The following MCM6 variants were observed in gnomAD, a reference collection of about 807,000 sequenced individuals.
MCM6 encodes the protein minichromosome maintenance complex component 6.
Under a neutral mutation model 94.3 loss-of-function variants are expected in MCM6, and 46 were observed. That is an observed-to-expected ratio of 0.49 (90% confidence interval 0.39 to 0.62). MCM6 has a LOEUF of 0.62. Among genes scored for constraint, MCM6 ranks in the 20% least tolerant of loss-of-function variants. The pLI is 0.00. For synonymous variants in MCM6, 335 were observed against 351.9 expected, an observed-to-expected ratio of 0.95 and a Z score of 0.54; for missense variants, 865 against 1,017.9, an observed-to-expected ratio of 0.85 and a Z score of 2.04.
chr2:135,867,126 ACTG>A lies in MCM6; in HGVS notation c.616-401_616-399del, dbSNP rs1349486677. ...CTTTTATACCCTCCACTTCAACACA[ACTG>A]CTAACATTATTTACAGATACATGTT... On this transcript the variant is annotated intron_variant, in intron 4 of 16. Coordinates refer to ENST00000264156, the MANE Select transcript of MCM6 (RefSeq NM_005915.6). Among the ~76,000 whole-genome samples the A allele has an allele frequency of 6.8e-4, 104 of 152,142 alleles. 3 individuals are homozygous for A. The highest frequency in any genetic ancestry group is 6.5e-3 in the Admixed American group (99 of 15,260).
chr2:135,853,700 C>T (rs992690609), intron 11 of MCM6, among the ~76,000 whole-genome samples: 3 of 148,136 alleles, frequency 2.0e-5, no homozygotes, highest in Non-Finnish European at 3.0e-5. Context: ...CTCTTAGCCA[C>T]TAAATTTTGA....
At chr2:135,864,950 T>G in intron 7 of MCM6, 63 bp downstream of exon 7, 1 of 1,233,302 alleles carries the variant, frequency 8.1e-7, no homozygotes, top group Non-Finnish European at 1.1e-6. Context: ...AGAAATCACC[T>G]GTGGCTGTTT....
At chr2:135,853,335 T>C (rs1474150199) in intron 11 of MCM6, among the ~76,000 whole-genome samples, 1 of 152,048 alleles carries the variant, frequency 6.6e-6, no homozygotes, top group Non-Finnish European at 1.5e-5. Flanking sequence ...TCCCAGCTAC[T>C]CAGGTGGCTG....
rs1405319908 is a variant in MCM6, at chr2:135,872,603, T to A, written c.254+94A>T. On this transcript the variant is annotated intron_variant, in intron 2 of 16. Transcript: ENST00000264156. ...TGGGAAATAACTGTGAAAGCTGACC[T>A]TCTGCTACACAAGTGAACACTTACA... 7.6e-6 allele frequency: 10 copies of A among 1,311,204 alleles called. No homozygotes were observed. In the Admixed American group the frequency reaches 1.1e-4, roughly 14 times the overall value. The allele number at this position is 1,311,204 out of a possible 1,614,324, so 81.2% of individuals were successfully genotyped here.
rs796148297 is a variant in MCM6 at position 135,849,203 on chromosome 2, TG to T, written c.1918-1016del. Among the ~76,000 whole-genome samples the T allele has an allele frequency of 1.4e-4, 22 of 152,294 alleles. No homozygotes were observed. In the East Asian group the frequency reaches 4.2e-3, roughly 29 times the overall value. On this transcript the variant is annotated intron_variant, in intron 13 of 16. Coordinates refer to ENST00000264156, the MANE Select transcript of MCM6 (RefSeq NM_005915.6). ...GTTAATTTCTCTGGCGAATGAAATG[TG>T]AGTATGTGTCATTTCTGGATAGAAG... is the stretch of plus-strand genomic sequence containing the variant.
intron 16 of MCM6, among the ~76,000 whole-genome samples, chr2:135,843,007 G>C (rs1679602756): frequency 6.6e-6 from 1 of 152,176 alleles, no homozygotes; most frequent in South Asian, 2.1e-4. Context: ...TACAAAAAAA[G>C]GACAATTTTA....
intron 7 of MCM6, among the ~76,000 whole-genome samples, chr2:135,863,943 T>C (rs927388726): frequency 2.8e-4 from 42 of 152,158 alleles, no homozygotes; most frequent in African/African-American, 1.0e-3. Flanking sequence ...AAACACCATC[T>C]CTACTAAAAA....
intron 2 of MCM6, among the ~76,000 whole-genome samples, chr2:135,871,726 T>A (rs1680206268): frequency 6.6e-6 from 1 of 152,226 alleles, no homozygotes; most frequent in African/African-American, 2.4e-5. Flanking sequence ...AGAAATTTTA[T>A]ATGAATTTGA....
chr2:135,855,647 G>A lies in MCM6; in HGVS notation c.1626+1081C>T, dbSNP rs188553368. 1.2e-4 allele frequency among the ~76,000 whole-genome samples: 18 copies of A among 152,208 alleles called. No homozygotes were observed. In the East Asian group the frequency reaches 3.1e-3, roughly 26 times the overall value. On this transcript the variant is annotated intron_variant, in intron 11 of 16. Coordinates refer to ENST00000264156, the MANE Select transcript of MCM6 (RefSeq NM_005915.6). ...TGGCACTGCCTGGGTGACAGAGTAAGACTTTGTCTTTAAAAAATAAATAAA... is the reference window on the plus strand; with the variant it reads ...TGGCACTGCCTGGGTGACAGAGTAAAACTTTGTCTTTAAAAAATAAATAAA...
rs972014216 is a variant in MCM6 at position 135,848,276 on chromosome 2, T to A, written c.1918-88A>T. 2.3e-5 allele frequency: 23 copies of A among 1,009,262 alleles called. No homozygotes were observed. The African/African-American group carries it at 3.7e-4, about 16-fold the overall frequency. The allele number at this position is 1,009,262 out of a possible 1,614,324, so 62.5% of individuals were successfully genotyped here. ...CAATGAAATCACAGTAGTATGTATT[T>A]TGGTTTTCTCACAAACACACACACT... On this transcript the variant is annotated intron_variant, in intron 13 of 16. Coordinates refer to ENST00000264156, the MANE Select transcript of MCM6 (RefSeq NM_005915.6).
chr2:135,863,803 T>G (rs1680037579), intron 7 of MCM6, among the ~76,000 whole-genome samples: 1 of 150,754 alleles, frequency 6.6e-6, no homozygotes, highest in South Asian at 2.1e-4. Context: ...AAAACTTCTC[T>G]GACTTATATT....
rs1461057644 is a variant in MCM6, at chr2:135,840,947, T to C, written c.2354A>G (p.His785Arg). The C allele has an allele frequency of 5.0e-6, 8 of 1,610,352 alleles. No individual in the cohort carries two copies. The highest frequency in any genetic ancestry group is 6.8e-6 in the Non-Finnish European group (8 of 1,176,734). ...KVIHRLTHYDHVLIELTQAGL... is the reference protein window; with the variant it reads ...KVIHRLTHYDRVLIELTQAGL... ...AGCCTGGGTGAGCTCAATTAGAACA[T>C]GATCCTGTGAAACACAAATATTTGT... The change falls in exon 17 of 17, where the codon CAT becomes CGT. Residue 785 changes from histidine to arginine, a missense_variant. By Grantham distance (29) the His-to-Arg change is conservative. Coordinates refer to ENST00000264156, the MANE Select transcript of MCM6 (RefSeq NM_005915.6).
At chr2:135,870,471 C>T (rs1680179920) in intron 2 of MCM6, 110 bp from the exon 3 acceptor site, 7 of 741,848 alleles carry the variant, frequency 9.4e-6, no homozygotes, top group Non-Finnish European at 1.6e-5. Context: ...TACAACTAAA[C>T]CTTAGAACTT....
chr2:135,873,898 T>TA (rs1680249708), intron 1 of MCM6, among the ~76,000 whole-genome samples: 1 of 152,202 alleles, frequency 6.6e-6, no homozygotes, highest in Non-Finnish European at 1.5e-5. Flanking sequence ...CTGAAAGAGT[T>TA]AAAAATTTCA....
At chr2:135,853,172 T>G (rs1370588511) in intron 11 of MCM6, among the ~76,000 whole-genome samples, 1 of 152,156 alleles carries the variant, frequency 6.6e-6, no homozygotes, top group East Asian at 1.9e-4. Context: ...TAGGGTAAAG[T>G]GCAGTGGCTC....
At position 135,866,178 on chromosome 2, in the gene MCM6, T is replaced by C; in HGVS notation, c.881A>G (p.Tyr294Cys). The change falls in exon 6 of 17, where the codon TAT (tyrosine) becomes TGT (cysteine). Residue 294 changes from tyrosine to cysteine, a missense_variant. By Grantham distance (194) the Tyr-to-Cys change is radical. Transcript: ENST00000264156. ...LRALGVRDLS[Y>C]RLVFLACCVA... Reference sequence around the variant, plus strand: ...ACAGCAGGCAAGAAAGACCAGCCTATAAGAAAGGTCCCTAACACCAAGGGC... The same window carrying C: ...ACAGCAGGCAAGAAAGACCAGCCTACAAGAAAGGTCCCTAACACCAAGGGC... 1.2e-6 allele frequency: 2 copies of C among 1,614,126 alleles called. No homozygotes were observed. Among genetic ancestry groups the C allele is most frequent in the Non-Finnish European group, 1.7e-6 (2 of 1,180,016 alleles).
chr2:135,860,766 T>C (rs965123817), intron 8 of MCM6, among the ~76,000 whole-genome samples: 2 of 152,198 alleles, frequency 1.3e-5, no homozygotes, highest in African/African-American at 4.8e-5. Flanking sequence ...AACCCACAGA[T>C]AACATCAAAC....
At position 135,856,879 on chromosome 2, in the gene MCM6, G is replaced by C. The variant is rs969990635; in HGVS notation, c.1475C>G (p.Thr492Ser). Residue 492 changes from threonine (T) to serine (S), a missense_variant, in exon 11 of 17, where the codon ACT becomes AGT. Physicochemically the swap from Thr to Ser is moderately conservative, Grantham distance 58. Transcript: ENST00000264156. The stretch of plus-strand genomic sequence containing the variant: ...CAAAATGGACGTCCGGGCGTTCAGA[G>C]TAGCCTGACCACAAAAGAAAGAATC... ...ISITKAGVKA[T>S]LNARTSILAA... 3.7e-6 allele frequency: 6 copies of C among 1,612,062 alleles called. No individual in the cohort carries two copies. The highest frequency in any genetic ancestry group is 4.2e-6 in the Non-Finnish European group (5 of 1,179,286).
At chr2:135,846,439 AT>A in intron 14 of MCM6, 47 bp from the exon 15 acceptor site, 2 of 1,544,128 alleles carry the variant, frequency 1.3e-6, no homozygotes, top group African/African-American at 2.7e-5. Flanking sequence ...TGCCCTTAAC[AT>A]CCCCTTGTCA....
Sources: gnomAD v4.1 joint callset for allele counts (sites outside exome capture counted in the v4.1 genomes callset) on GRCh38, gnomAD v4.1.1 for gene constraint, MANE v1.5 for transcripts, NCBI Gene and HGNC (gene_info 2026-07-23, HGNC 2026-07-21) for gene names.